The following AFG2A variants were observed in gnomAD, a reference collection of about 807,000 sequenced individuals.
AFG2A encodes ATPase family gene 2 protein homolog A.
At chr4:123,280,737 G>A in the AFG2A span, among the ~76,000 whole-genome samples, 18 of 152,268 alleles carry the variant, frequency 1.2e-4, no homozygotes, top group East Asian at 2.5e-3. Context: ...GATAATCCAG[G>A]ATAATCTCCC....
chr4:123,264,927 A>G, the AFG2A span, among the ~76,000 whole-genome samples: 1 of 152,118 alleles, frequency 6.6e-6, no homozygotes, highest in African/African-American at 2.4e-5. Context: ...CTCCAGGGAT[A>G]TGTAGTATGG....
At chr4:123,219,397 A>G in the AFG2A span, among the ~76,000 whole-genome samples, 1 of 152,244 alleles carries the variant, frequency 6.6e-6, no homozygotes, top group East Asian at 1.9e-4. Flanking sequence ...CATCAACTCA[A>G]ATGTCAGTCT....
At chr4:123,288,144 A>C in the AFG2A span, among the ~76,000 whole-genome samples, 41 of 152,244 alleles carry the variant, frequency 2.7e-4, no homozygotes, top group Non-Finnish European at 5.3e-4. Context: ...AGAGCAATTC[A>C]GTGGGGGAGT....
At chr4:123,106,012 A>G in the AFG2A span, among the ~76,000 whole-genome samples, 2 of 152,180 alleles carry the variant, frequency 1.3e-5, no homozygotes, top group Non-Finnish European at 2.9e-5. Context: ...ACATGCTACA[A>G]AGATATCTTT....
At chr4:123,103,411 T>G in the AFG2A span, among the ~76,000 whole-genome samples, 1 of 152,120 alleles carries the variant, frequency 6.6e-6, no homozygotes, top group Non-Finnish European at 1.5e-5. Flanking sequence ...GTCTAGTTAA[T>G]TTTAGTCAAA....
chr4:123,305,459 G>C, the AFG2A span, among the ~76,000 whole-genome samples: 1 of 152,120 alleles, frequency 6.6e-6, no homozygotes, highest in Admixed American at 6.5e-5. Context: ...ACATGCTGAC[G>C]CTACCCAGGT....
the AFG2A span, among the ~76,000 whole-genome samples, chr4:123,298,906 G>A: frequency 9.2e-5 from 14 of 152,100 alleles, no homozygotes; most frequent in Non-Finnish European, 1.3e-4. Context: ...TTTTGTTTCA[G>A]CATGTAAAAT....
chr4:123,021,989 G>C, the AFG2A span, among the ~76,000 whole-genome samples: 2 of 151,464 alleles, frequency 1.3e-5, no homozygotes, highest in Non-Finnish European at 2.9e-5. Context: ...GCCATATGTA[G>C]AAAGCTGAAA....
chr4:123,060,185 A>G, the AFG2A span, among the ~76,000 whole-genome samples: 3 of 152,188 alleles, frequency 2.0e-5, no homozygotes, highest in African/African-American at 7.2e-5. Flanking sequence ...GGTGTTGAGT[A>G]TCTGCAGCAA....
chr4:123,251,961 T>C, the AFG2A span, among the ~76,000 whole-genome samples: 1 of 152,108 alleles, frequency 6.6e-6, no homozygotes, highest in Non-Finnish European at 1.5e-5. Context: ...TTATAACATA[T>C]ACAAAAAGTA....
the AFG2A span, among the ~76,000 whole-genome samples, chr4:123,040,472 G>T: frequency 6.6e-6 from 1 of 152,118 alleles, no homozygotes; most frequent in African/African-American, 2.4e-5. Flanking sequence ...ATGTGACAAA[G>T]ACTTTATGTG....
the AFG2A span, among the ~76,000 whole-genome samples, chr4:123,295,516 GCT>G: frequency 6.6e-6 from 1 of 152,246 alleles, no homozygotes; most frequent in Admixed American, 6.5e-5. Context: ...ATGAGAAATA[GCT>G]CTCTATATAG....
the AFG2A span, among the ~76,000 whole-genome samples, chr4:122,992,147 T>C: frequency 6.6e-6 from 1 of 152,260 alleles, no homozygotes; most frequent in Non-Finnish European, 1.5e-5. Flanking sequence ...CAGCATCCAC[T>C]CTTGGAATTG....
the AFG2A span, among the ~76,000 whole-genome samples, chr4:123,297,632 T>C: frequency 2.6e-5 from 4 of 151,180 alleles, no homozygotes; most frequent in African/African-American, 9.7e-5. Context: ...GGCAGGAGAA[T>C]GGTGTGAACC....
At chr4:123,200,256 C>G in the AFG2A span, among the ~76,000 whole-genome samples, 3 of 147,890 alleles carry the variant, frequency 2.0e-5, no homozygotes, top group African/African-American at 8.0e-5. Context: ...ACTGATTACT[C>G]TATTCCAAAA....
chr4:123,155,009 C>T, the AFG2A span, among the ~76,000 whole-genome samples: 3 of 152,050 alleles, frequency 2.0e-5, no homozygotes, highest in Non-Finnish European at 4.4e-5. Context: ...GCCCCTCCTC[C>T]TTATTGTTCT....
the AFG2A span, among the ~76,000 whole-genome samples, chr4:123,204,388 C>A: frequency 6.6e-6 from 1 of 152,182 alleles, no homozygotes; most frequent in African/African-American, 2.4e-5. Context: ...TCCCTGCCAG[C>A]ATTTCATATT....
At chr4:123,286,346 CTT>C in the AFG2A span, among the ~76,000 whole-genome samples, 15 of 152,148 alleles carry the variant, frequency 9.9e-5, no homozygotes, top group South Asian at 1.9e-3. Flanking sequence ...GAGTTAATGA[CTT>C]ATATATTTAG....
chr4:123,176,838 T>G, the AFG2A span, among the ~76,000 whole-genome samples: 2 of 152,066 alleles, frequency 1.3e-5, no homozygotes. Context: ...ACTCTTGCCT[T>G]GTGGGAGGTG....
Sources: gnomAD v4.1 joint callset for allele counts (sites outside exome capture counted in the v4.1 genomes callset) on GRCh38, gnomAD v4.1.1 for gene constraint, MANE v1.5 for transcripts, NCBI Gene and HGNC (gene_info 2026-07-23, HGNC 2026-07-21) for gene names.